Variants in RUNX1T1 observed in about 807,000 individuals in gnomAD.
The protein encoded by RUNX1T1 is protein CBFA2T1.
RUNX1T1 carries 4 observed loss-of-function variants against 62.8 expected under a neutral mutation model. The ratio of observed to expected loss-of-function variants is 0.06; its 90% CI spans 0.03 to 0.15. RUNX1T1 has a LOEUF of 0.15. RUNX1T1 is among the 10% of genes least tolerant of loss of function. The pLI is 1.00. For missense variants in RUNX1T1, 508 were observed against 754.3 expected, an observed-to-expected ratio of 0.67 and a Z score of 3.82; for synonymous variants, 291 against 286.0, an observed-to-expected ratio of 1.02 and a Z score of -0.18.
chr8:91,997,812 CCCTAGACTGTAGCT>C (rs1298986646), intron 5 of RUNX1T1, among the ~76,000 whole-genome samples: 1 of 152,052 alleles, frequency 6.6e-6, no homozygotes, highest in Non-Finnish European at 1.5e-5. Flanking sequence ...CAAGTCCCAT[CCCTAGACTGTAGCT>C]CCTTGAAAAA....
intron 1 of RUNX1T1, among the ~76,000 whole-genome samples, chr8:92,044,266 G>GA (rs1170572617): frequency 1.4e-4 from 22 of 152,168 alleles, no homozygotes; most frequent in Non-Finnish European, 1.3e-4. Context: ...CAGGCAGCAG[G>GA]AAAGAAAAAG....
intron 1 of RUNX1T1, among the ~76,000 whole-genome samples, chr8:92,058,081 G>C (rs1458628280): frequency 1.3e-5 from 2 of 152,060 alleles, no homozygotes; most frequent in African/African-American, 4.8e-5. Flanking sequence ...TCCTAATCCA[G>C]GTGGGTATCT....
chr8:92,005,130 C>T, exon 5 of RUNX1T1: 1 of 1,610,810 alleles, frequency 6.2e-7, no homozygotes, highest in Non-Finnish European at 8.5e-7. Context: ...CTGGAGTTCG[C>T]CTCTTCCCGT....
chr8:91,969,680 C>T (rs1306699722), intron 10 of RUNX1T1, among the ~76,000 whole-genome samples: 2 of 152,182 alleles, frequency 1.3e-5, no homozygotes, highest in Non-Finnish European at 2.9e-5. Context: ...ATCTGCTACA[C>T]ATTAAATAGA....
intron 1 of RUNX1T1, among the ~76,000 whole-genome samples, chr8:92,037,290 T>G (rs1827604457): frequency 6.6e-6 from 1 of 152,188 alleles, no homozygotes; most frequent in Non-Finnish European, 1.5e-5. Context: ...GAAAGAAATG[T>G]TCAGGTGCCT....
chr8:92,031,935 T>C (rs865794178), intron 1 of RUNX1T1, among the ~76,000 whole-genome samples: 1 of 151,228 alleles, frequency 6.6e-6, no homozygotes, highest in Non-Finnish European at 1.5e-5. Context: ...CTACTAAAAA[T>C]ACAAAATAAT....
exon 11 of RUNX1T1, chr8:91,960,154 CA>C (rs913511703): frequency 3.3e-5 from 46 of 1,380,204 alleles, no homozygotes; most frequent in South Asian, 1.6e-4. Flanking sequence ...AACAAACAAA[CA>C]AAAAAAACAA....
chr8:92,051,358 C>A (rs866868234), intron 1 of RUNX1T1, among the ~76,000 whole-genome samples: 2 of 152,018 alleles, frequency 1.3e-5, no homozygotes, highest in Middle Eastern at 6.3e-3. Flanking sequence ...GACAACCATA[C>A]AAATGATTCC....
intron 10 of RUNX1T1, among the ~76,000 whole-genome samples, chr8:91,967,196 C>T (rs560006976): frequency 1.3e-5 from 2 of 152,250 alleles, no homozygotes; most frequent in Admixed American, 6.5e-5. Flanking sequence ...AAACACTCAT[C>T]GTAGGTCGTC....
intron 2 of RUNX1T1, among the ~76,000 whole-genome samples, chr8:92,072,704 C>T (rs906571551): frequency 6.6e-6 from 1 of 152,186 alleles, no homozygotes; most frequent in African/African-American, 2.4e-5. Context: ...TGCAGTGCTA[C>T]AATAAGCTCA....
At chr8:91,962,002 G>A (rs899335350) in intron 10 of RUNX1T1, among the ~76,000 whole-genome samples, 1 of 152,170 alleles carries the variant, frequency 6.6e-6, no homozygotes, top group Non-Finnish European at 1.5e-5. Context: ...GTAAGCTCAT[G>A]AGCTGCTGAC....
chr8:92,086,854 C>T (rs890032699), intron 1 of RUNX1T1, among the ~76,000 whole-genome samples: 7 of 152,194 alleles, frequency 4.6e-5, no homozygotes, highest in Non-Finnish European at 7.3e-5. Context: ...ACAAACCCAA[C>T]GCTGGTCATC....
chr8:92,079,769 C>T lies in RUNX1T1; in HGVS notation c.-85-3632G>A, dbSNP rs1033272071. 3.9e-5 allele frequency among the ~76,000 whole-genome samples: 6 copies of T among 152,164 alleles called. No individual in the cohort carries two copies. In the South Asian group the frequency reaches 8.3e-4, roughly 21 times the overall value. ...CAGTTTTCAGCCTCCACTCCAACCA[C>T]GCCCTTCCAGAGTGCAGCTCTTCTC... On this transcript the variant is annotated intron_variant, in intron 1 of 11. Transcript: ENST00000265814.
intron 1 of RUNX1T1, among the ~76,000 whole-genome samples, chr8:92,062,162 ACT>A (rs1163429138): frequency 6.6e-6 from 1 of 151,630 alleles, no homozygotes; most frequent in Non-Finnish European, 1.5e-5. Flanking sequence ...TAATCTGAAA[ACT>A]CTCTCCACAG....
chr8:92,076,133 CT>C, exon 2 of RUNX1T1: 1 of 1,537,886 alleles, frequency 6.5e-7, no homozygotes, highest in South Asian at 1.3e-5. Flanking sequence ...AGAGATCAAT[CT>C]TTTCTATTGA....
At chr8:92,003,169 G>A (rs1198591673) in intron 5 of RUNX1T1, 1 of 248,060 alleles carries the variant, frequency 4.0e-6, no homozygotes, top group Non-Finnish European at 8.4e-6. Flanking sequence ...ACTCTTTTTA[G>A]GAGAGTTCTA....
chr8:92,000,961 G>A (rs1033905890), intron 5 of RUNX1T1, among the ~76,000 whole-genome samples: 1 of 152,174 alleles, frequency 6.6e-6, no homozygotes, highest in East Asian at 1.9e-4. Flanking sequence ...ATGCAAATAT[G>A]CTTGTTTCTC....
chr8:92,016,543 C>T (rs897807956), intron 2 of RUNX1T1, among the ~76,000 whole-genome samples: 9 of 152,064 alleles, frequency 5.9e-5, no homozygotes, highest in Non-Finnish European at 8.8e-5. Context: ...GGCTCAGTGG[C>T]GCATGACTGT....
intron 8 of RUNX1T1, among the ~76,000 whole-genome samples, chr8:91,985,011 A>G (rs565781076): frequency 6.6e-6 from 1 of 152,302 alleles, no homozygotes; most frequent in East Asian, 1.9e-4. Context: ...AGGAAACTAC[A>G]CTGGCTGGGA....
Sources: allele counts gnomAD v4.1 joint callset (sites outside exome capture counted in the v4.1 genomes callset), GRCh38; gene constraint gnomAD v4.1.1; transcripts MANE v1.5; gene names NCBI Gene and HGNC (gene_info 2026-07-23, HGNC 2026-07-21).